The following ZBTB7C variants were observed in gnomAD, a reference collection of about 807,000 sequenced individuals.
ZBTB7C encodes zinc finger and BTB domain-containing protein 7C.
In ZBTB7C, 8 loss-of-function variants were observed where a neutral mutation model predicts 25.7. The ratio of observed to expected loss-of-function variants is 0.31; its 90% CI spans 0.18 to 0.56. The LOEUF is 0.56. Ranked by LOEUF, ZBTB7C falls within the 20% of genes least tolerant of loss-of-function variation. The pLI is 0.91. For missense variants in ZBTB7C, 824 were observed against 855.2 expected (o/e 0.96, Z 0.46); for synonymous variants, 394 against 369.0 (o/e 1.07, Z -0.78).
chr18:48,256,917 C>A (rs1286314702), intron 2 of ZBTB7C, among the ~76,000 whole-genome samples: 1 of 151,306 alleles, frequency 6.6e-6, no homozygotes, highest in Non-Finnish European at 1.5e-5. Context: ...AATATTCAGT[C>A]CAAAGGAAGG....
chr18:48,033,679 A>G (rs1214542732), intron 4 of ZBTB7C, among the ~76,000 whole-genome samples: 1 of 152,216 alleles, frequency 6.6e-6, no homozygotes, highest in Non-Finnish European at 1.5e-5. Flanking sequence ...CCAGTAAGTG[A>G]CACTATTAGC....
intron 3 of ZBTB7C, among the ~76,000 whole-genome samples, chr18:48,094,313 C>G (rs2038534768): frequency 6.6e-6 from 1 of 152,146 alleles, no homozygotes; most frequent in Non-Finnish European, 1.5e-5. Flanking sequence ...GATTGGGCAG[C>G]TAATGTTGGG....
rs564210041 is a variant in ZBTB7C, at chr18:48,238,372, A to C, written c.-78-52377T>G. Among the ~76,000 whole-genome samples, 162 of 152,358 alleles carry C rather than the reference A, an allele frequency of 1.1e-3. 1 individual carries two copies. Among genetic ancestry groups the C allele is most frequent in the African/African-American group, 3.8e-3 (156 of 41,592 alleles). On this transcript the variant is annotated intron_variant, in intron 2 of 4. Transcript: ENST00000590800. ...TTGCCTCAAGAACTACCACAGGAACATACCAGGAAAACCAAAAGAATTCAA... is the reference window on the plus strand; with the variant it reads ...TTGCCTCAAGAACTACCACAGGAACCTACCAGGAAAACCAAAAGAATTCAA...
intron 1 of ZBTB7C, among the ~76,000 whole-genome samples, chr18:48,405,660 G>A (rs2048263442): frequency 6.6e-6 from 1 of 152,150 alleles, no homozygotes; most frequent in South Asian, 2.1e-4. Flanking sequence ...ACTCCAAGAA[G>A]CCCTGCAGGA....
chr18:48,214,292 C>A (rs2042772889), intron 2 of ZBTB7C, among the ~76,000 whole-genome samples: 1 of 152,172 alleles, frequency 6.6e-6, no homozygotes. Flanking sequence ...ACATAAATTC[C>A]CCATTCTTCC....
At chr18:48,294,029 G>A (rs1308691100) in intron 2 of ZBTB7C, among the ~76,000 whole-genome samples, 1 of 152,236 alleles carries the variant, frequency 6.6e-6, no homozygotes, top group Admixed American at 6.5e-5. Context: ...GCCTGGGCCT[G>A]CTATGGCCAC....
chr18:48,298,965 A>G (rs8097828), intron 2 of ZBTB7C, among the ~76,000 whole-genome samples: 49,922 of 152,034 alleles, frequency 0.33, 9,086 homozygotes, highest in African/African-American at 0.49. Flanking sequence ...GCTGCACAGA[A>G]GCCTTCCAGG....
At chr18:48,326,719 A>C (rs1307665135) in intron 2 of ZBTB7C, among the ~76,000 whole-genome samples, 1 of 152,244 alleles carries the variant, frequency 6.6e-6, no homozygotes, top group African/African-American at 2.4e-5. Flanking sequence ...GCTATGTTTT[A>C]TAGGGTAAAA....
intron 2 of ZBTB7C, among the ~76,000 whole-genome samples, chr18:48,248,014 A>T (rs117014616): frequency 6.6e-6 from 1 of 152,134 alleles, no homozygotes; most frequent in Non-Finnish European, 1.5e-5. Context: ...TAAGTCTCAC[A>T]AAATCTAATG....
At chr18:48,138,196 G>A (rs934378768) in intron 3 of ZBTB7C, among the ~76,000 whole-genome samples, 4 of 152,368 alleles carry the variant, frequency 2.6e-5, no homozygotes, top group Admixed American at 2.6e-4. Flanking sequence ...AGCCTTAAAG[G>A]ATCCTGAAAC....
chr18:48,117,237 G>C (rs2039472025), intron 3 of ZBTB7C, among the ~76,000 whole-genome samples: 1 of 152,232 alleles, frequency 6.6e-6, no homozygotes. Flanking sequence ...ATCATTATCT[G>C]AAATTTAGAT....
intron 2 of ZBTB7C, among the ~76,000 whole-genome samples, chr18:48,280,147 G>A (rs1184031783): frequency 6.6e-6 from 1 of 152,144 alleles, no homozygotes; most frequent in Non-Finnish European, 1.5e-5. Context: ...CAGCCAAGGA[G>A]CATGTATTGG....
At chr18:48,402,777 A>C (rs1260586938) in intron 1 of ZBTB7C, among the ~76,000 whole-genome samples, 4 of 152,216 alleles carry the variant, frequency 2.6e-5, no homozygotes, top group Non-Finnish European at 5.9e-5. Context: ...GAAAAAAAAG[A>C]CTGGAAGGAA....
At chr18:48,115,552 T>TAC (rs1011375874) in intron 3 of ZBTB7C, among the ~76,000 whole-genome samples, 19 of 151,920 alleles carry the variant, frequency 1.3e-4, no homozygotes, top group South Asian at 1.0e-3. Flanking sequence ...GAGTGACCTT[T>TAC]ACACACACAC....
intron 2 of ZBTB7C, among the ~76,000 whole-genome samples, chr18:48,247,492 T>G (rs968340151): frequency 9.2e-5 from 14 of 152,256 alleles, no homozygotes; most frequent in African/African-American, 3.4e-4. Context: ...GTCTGTTTCA[T>G]GCCCTCTCAA....
At chr18:48,095,274 G>A (rs1274284260) in intron 3 of ZBTB7C, among the ~76,000 whole-genome samples, 2 of 152,148 alleles carry the variant, frequency 1.3e-5, no homozygotes, top group Non-Finnish European at 2.9e-5. Flanking sequence ...TGAGAACAGA[G>A]GTCTGCAAGG....
chr18:48,043,275 A>AACTC (rs560848279), intron 3 of ZBTB7C, among the ~76,000 whole-genome samples: 54 of 152,336 alleles, frequency 3.5e-4, no homozygotes, highest in African/African-American at 7.9e-4. Context: ...GTCCATGAAA[A>AACTC]ACTCATACAC....
Position 48,121,307 on chromosome 18 carries a change from C to T in ZBTB7C, c.-17+64627G>A, listed in dbSNP as rs181546277. Among the ~76,000 whole-genome samples, 6 of 152,300 alleles carry T rather than the reference C, an allele frequency of 3.9e-5. No individual in the cohort carries two copies. The East Asian group carries it at 1.2e-3, about 29-fold the overall frequency. On this transcript the variant is annotated intron_variant, in intron 3 of 4. Coordinates refer to ENST00000590800, the MANE Select transcript of ZBTB7C (RefSeq NM_001318841.2). ...AACTCACAGTTAGCTTGTGTCCCTC[C>T]ACTGTCATCAGAGCCCAGGGATGGG...
intron 3 of ZBTB7C, among the ~76,000 whole-genome samples, chr18:48,095,221 G>A (rs1424369361): frequency 6.6e-6 from 1 of 152,166 alleles, no homozygotes; most frequent in Non-Finnish European, 1.5e-5. Flanking sequence ...TGGCCACTTT[G>A]AGGCAGTTCC....
Sources: gnomAD v4.1 joint callset for allele counts (sites outside exome capture counted in the v4.1 genomes callset) on GRCh38, gnomAD v4.1.1 for gene constraint, MANE v1.5 for transcripts, NCBI Gene and HGNC (gene_info 2026-07-23, HGNC 2026-07-21) for gene names.